The following DNAH17 variants were observed in gnomAD, a reference collection of about 807,000 sequenced individuals.
DNAH17 encodes axonemal beta dynein heavy chain 17.
DNAH17 carries 376 observed loss-of-function variants against 485.6 expected under a neutral mutation model. That is an observed-to-expected ratio of 0.77 (90% CI 0.71 to 0.84). The LOEUF (loss-of-function observed/expected upper bound fraction) is 0.84. Among genes scored for constraint, DNAH17 ranks in the 40% least tolerant of loss-of-function variants. DNAH17 has a pLI of 0.00. For synonymous variants in DNAH17, 3,031 were observed against 2,405.9 expected, an observed-to-expected ratio of 1.26 and a Z score of -7.60; for missense variants, 6,370 against 5,839.3, an observed-to-expected ratio of 1.09 and a Z score of -2.96.
In DNAH17 at chr17:78,450,851, A is replaced by C. The variant is rs551474231; in HGVS notation, c.10735-5T>G. ...TTGAGACTTGGTGAGGTTTGCCTGC[A>C]AGGGGAGGTGCAGGAGTCACTGCAT... On this transcript the variant is annotated splice_region_variant and splice_polypyrimidine_tract_variant and intron_variant, in intron 66 of 80. Coordinates refer to ENST00000389840, the MANE Select transcript of DNAH17 (RefSeq NM_173628.4). 358 of 1,613,808 alleles carry C rather than the reference A, an allele frequency of 2.2e-4. 5 individuals carry two copies. In the South Asian group the frequency reaches 3.2e-3, roughly 15 times the overall value.
intron 47 of DNAH17, 190 bp from the exon 48 acceptor site, chr17:78,485,223 G>C: frequency 4.2e-6 from 3 of 715,378 alleles, no homozygotes; most frequent in African/African-American, 3.6e-5. Context: ...AATAAACAGA[G>C]CGATCAGAGG....
intron 80 of DNAH17, 78 bp from the exon 81 acceptor site, chr17:78,424,231 C>A: frequency 6.6e-7 from 1 of 1,514,678 alleles, no homozygotes; most frequent in East Asian, 2.3e-5. Context: ...GTGGGGTCCT[C>A]ACACTCCCCG....
chr17:78,552,050 ACTC>A (rs2091914158), intron 15 of DNAH17, among the ~76,000 whole-genome samples: 2 of 152,024 alleles, frequency 1.3e-5, no homozygotes, highest in Non-Finnish European at 2.9e-5. Context: ...CTGGGAAAAT[ACTC>A]CTATTCTGGA....
chr17:78,505,226 G>T, intron 31 of DNAH17, 67 bp downstream of exon 31: 1 of 1,589,654 alleles, frequency 6.3e-7, no homozygotes, highest in Non-Finnish European at 8.6e-7. Context: ...CCATCTGAGG[G>T]CGTGTGGCCC....
rs77087883 is a variant in DNAH17, at chr17:78,531,020, C to T, written c.3115-508G>A. ...TTTCTTATTTTATGCATTCTTTCTG[C>T]AGCTGTTGGGTAAAGTGTTCTGTAG... is the stretch of plus-strand genomic sequence containing the variant. On this transcript the variant is annotated intron_variant, in intron 20 of 80. Transcript: ENST00000389840. Among the ~76,000 whole-genome samples, 277 of 152,324 alleles carry T rather than the reference C, an allele frequency of 1.8e-3. 4 individuals carry two copies. The highest frequency in any genetic ancestry group is 0.018 in the East Asian group (94 of 5,178).
intron 26 of DNAH17, among the ~76,000 whole-genome samples, chr17:78,514,152 A>G (rs2090712617): frequency 6.6e-6 from 1 of 152,128 alleles, no homozygotes; most frequent in Non-Finnish European, 1.5e-5. Flanking sequence ...TACAACCAGA[A>G]CGGCCTACCT....
chr17:78,543,586 G>T (rs113322542), intron 17 of DNAH17, among the ~76,000 whole-genome samples: 1 of 151,920 alleles, frequency 6.6e-6, no homozygotes, highest in African/African-American at 2.4e-5. Context: ...CACCGCGCCC[G>T]GCCAATTTTT....
At position 78,454,683 on chromosome 17, in the gene DNAH17, C is replaced by G; in HGVS notation, c.10193G>C (p.Gly3398Ala). The G allele has an allele frequency of 6.2e-7, 1 of 1,612,504 alleles. No homozygotes were observed. Among genetic ancestry groups the G allele is most frequent in the Non-Finnish European group, 8.5e-7 (1 of 1,179,780 alleles). The stretch of plus-strand genomic sequence containing the variant: ...TGTCAGCAGGCTCAAGGGATCCAGG[C>G]CATTCGTGATCGGGATGGGGACCTG... Reference protein sequence around the residue: ...NLKVPIPITNGLDPLSLLTDD... With the variant: ...NLKVPIPITNALDPLSLLTDD... The change falls in exon 64 of 81, where the codon GGC becomes GCC. Residue 3398 changes from glycine to alanine, a missense_variant. Gly to Ala is a moderately conservative substitution (Grantham distance 60). Transcript: ENST00000389840.
chr17:78,514,089 T>TA (rs1221508656), intron 26 of DNAH17, among the ~76,000 whole-genome samples: 5 of 152,166 alleles, frequency 3.3e-5, no homozygotes, highest in African/African-American at 4.8e-5. Flanking sequence ...ATGAGGACCC[T>TA]AGCGAAGCTG....
chr17:78,433,790 A>T (rs2086761549), intron 75 of DNAH17, among the ~76,000 whole-genome samples: 1 of 152,132 alleles, frequency 6.6e-6, no homozygotes, highest in Admixed American at 6.5e-5. Context: ...GGTGGGGGCA[A>T]AGGACTGGAC....
chr17:78,513,170 C>T (rs811996), intron 26 of DNAH17, among the ~76,000 whole-genome samples: 84,637 of 151,640 alleles, frequency 0.56, 24,055 homozygotes, highest in East Asian at 0.85. Flanking sequence ...GGGAAGGAGG[C>T]TGGGGGACAG....
chr17:78,441,496 G>T (rs78489982), intron 71 of DNAH17, among the ~76,000 whole-genome samples: 1 of 152,128 alleles, frequency 6.6e-6, no homozygotes, highest in Non-Finnish European at 1.5e-5. Flanking sequence ...GGTCAACTGC[G>T]GGGGGTGGGG....
chr17:78,425,756 CTTTTTTTTTTTTTTT>C lies in DNAH17; in HGVS notation c.12916-200_12916-186del, dbSNP rs71160294. Among the ~76,000 whole-genome samples, 294 of 120,748 alleles carry C rather than the reference CTTTTTTTTTTTTTTT, an allele frequency of 2.4e-3. 5 individuals carry two copies. Among genetic ancestry groups the C allele is most frequent in the African/African-American group, 9.3e-3 (243 of 26,242 alleles). The allele number at this position is 120,748 out of a possible 152,430, so 79.2% of individuals were successfully genotyped here. ...TACCATGACGCAACTTTGGTGTCTG[CTTTTTTTTTTTTTTT>C]TTTTTTTTTTTTGAGATGAAGTATC... is the stretch of plus-strand genomic sequence containing the variant. On this transcript the variant is annotated intron_variant, in intron 79 of 80. Coordinates refer to ENST00000389840, the MANE Select transcript of DNAH17 (RefSeq NM_173628.4).
At chr17:78,545,066 A>G (rs548462825) in intron 16 of DNAH17, among the ~76,000 whole-genome samples, 1 of 142,928 alleles carries the variant, frequency 7.0e-6, no homozygotes, top group Non-Finnish European at 1.5e-5. Context: ...CACTCTTATC[A>G]TTTACGGACT....
chr17:78,449,267 A>G (rs973407901), intron 69 of DNAH17, 147 bp downstream of exon 69: 3 of 755,486 alleles, frequency 4.0e-6, no homozygotes, highest in Non-Finnish European at 6.3e-6. Context: ...CAGACTTTAT[A>G]ATCACCTGGG....
intron 71 of DNAH17, among the ~76,000 whole-genome samples, chr17:78,441,625 T>C (rs1314769092): frequency 6.6e-6 from 1 of 152,142 alleles, no homozygotes; most frequent in Non-Finnish European, 1.5e-5. Context: ...CCCAACTCTT[T>C]CTAACATGAC....
Position 78,563,838 on chromosome 17 carries a change from A to G in DNAH17, c.1570-1858T>C, listed in dbSNP as rs554754853. On this transcript the variant is annotated intron_variant, in intron 11 of 80. Coordinates refer to ENST00000389840, the MANE Select transcript of DNAH17 (RefSeq NM_173628.4). Reference sequence around the variant, plus strand: ...CACAGGGCTGTCAAACCAGGGGGAAAATGTTCTTAGGTCAAAGAGAAACGT... The same window carrying G: ...CACAGGGCTGTCAAACCAGGGGGAAGATGTTCTTAGGTCAAAGAGAAACGT... 2.6e-5 allele frequency among the ~76,000 whole-genome samples: 4 copies of G among 152,226 alleles called. No individual in the cohort carries two copies. The South Asian group carries it at 8.3e-4, about 32-fold the overall frequency.
In DNAH17 at chr17:78,449,405, A is replaced by G. The variant is rs1219939674; in HGVS notation, c.11211+9T>C. ...GGACCACACTAGGAACAGTGAGGCT[A>G]GACATTACCTGAAACGTAACTTGTG... On this transcript the variant is annotated intron_variant, in intron 69 of 80. Coordinates refer to ENST00000389840, the MANE Select transcript of DNAH17 (RefSeq NM_173628.4). 3 of 1,547,458 alleles carry G rather than the reference A, an allele frequency of 1.9e-6. No homozygotes were observed. Among genetic ancestry groups the G allele is most frequent in the Non-Finnish European group, 2.6e-6 (3 of 1,144,734 alleles).
chr17:78,502,087 G>A lies in DNAH17; in HGVS notation c.5191-214C>T, dbSNP rs1391176548. ...CCTGGCAGTGGCTAGCATGGACGTAGTAGAAGGAAATTCAAGGCCACGAGA... is the reference window on the plus strand; with the variant it reads ...CCTGGCAGTGGCTAGCATGGACGTAATAGAAGGAAATTCAAGGCCACGAGA... On this transcript the variant is annotated intron_variant, in intron 33 of 80. Transcript: ENST00000389840. 4.9e-6 allele frequency: 3 copies of A among 608,132 alleles called. No homozygotes were observed. The South Asian group carries it at 6.4e-5, about 13-fold the overall frequency. The allele number at this position is 608,132 out of a possible 1,614,324, so 37.7% of individuals were successfully genotyped here.
Sources: allele counts gnomAD v4.1 joint callset (sites outside exome capture counted in the v4.1 genomes callset), GRCh38; gene constraint gnomAD v4.1.1; transcripts MANE v1.5; gene names NCBI Gene and HGNC (gene_info 2026-07-23, HGNC 2026-07-21).